The following FBXL17 variants were observed in gnomAD, a reference collection of about 807,000 sequenced individuals.
FBXL17 encodes the protein F-box and leucine rich repeat protein 17, also known as F-box/LRR-repeat protein 17.
A neutral mutation model predicts 66.2 loss-of-function variants in FBXL17; 22 were observed. The observed-to-expected ratio is 0.33, with a 90% confidence interval of 0.24 to 0.47. FBXL17 has a LOEUF of 0.47. Ranked by LOEUF, FBXL17 falls within the 20% of genes least tolerant of loss-of-function variation. FBXL17 has a pLI of 1.00. For synonymous variants in FBXL17, 474 were observed against 400.5 expected, an observed-to-expected ratio of 1.18 and a Z score of -2.19; for missense variants, 878 against 948.2, an observed-to-expected ratio of 0.93 and a Z score of 0.97.
chr5:108,121,731 G>A (rs1484420317), intron 6 of FBXL17, among the ~76,000 whole-genome samples: 1 of 151,944 alleles, frequency 6.6e-6, no homozygotes, highest in Non-Finnish European at 1.5e-5. Context: ...TAATTTTTTT[G>A]TATTTTTAGT....
chr5:108,248,151 T>C (rs1003925465), intron 4 of FBXL17, among the ~76,000 whole-genome samples: 2 of 152,196 alleles, frequency 1.3e-5, no homozygotes, highest in Non-Finnish European at 2.9e-5. Flanking sequence ...ACACAGATTT[T>C]AGAATTATTT....
chr5:108,021,460 C>T (rs1754599649), intron 6 of FBXL17, among the ~76,000 whole-genome samples: 1 of 150,894 alleles, frequency 6.6e-6, no homozygotes, highest in South Asian at 2.1e-4. Flanking sequence ...AACATAATAT[C>T]AAATATATTC....
At chr5:107,899,954 A>T (rs1211654911) in intron 7 of FBXL17, among the ~76,000 whole-genome samples, 1 of 152,188 alleles carries the variant, frequency 6.6e-6, no homozygotes, top group Admixed American at 6.5e-5. Context: ...TATTAAAAAA[A>T]GTAAATTTTG....
At chr5:108,210,842 C>G (rs1754338263) in intron 5 of FBXL17, among the ~76,000 whole-genome samples, 1 of 151,928 alleles carries the variant, frequency 6.6e-6, no homozygotes, top group South Asian at 2.1e-4. Context: ...TGGTCCAGAG[C>G]TGAGTTCAAG....
At chr5:107,950,009 T>G (rs1389807150) in intron 7 of FBXL17, among the ~76,000 whole-genome samples, 1 of 152,214 alleles carries the variant, frequency 6.6e-6, no homozygotes, top group Non-Finnish European at 1.5e-5. Flanking sequence ...CTTTGTTGAC[T>G]GCTGTCCCAT....
At chr5:108,332,221 G>A (rs913114154) in intron 4 of FBXL17, among the ~76,000 whole-genome samples, 4 of 152,064 alleles carry the variant, frequency 2.6e-5, no homozygotes, top group Admixed American at 1.3e-4. Context: ...TGGATGGAGC[G>A]TTCCTGAGTA....
intron 7 of FBXL17, among the ~76,000 whole-genome samples, chr5:107,919,992 T>A (rs1446315132): frequency 6.6e-6 from 1 of 152,208 alleles, no homozygotes; most frequent in East Asian, 1.9e-4. Context: ...GACTATATAG[T>A]GCAACCAAGC....
At chr5:108,355,757 C>T (rs1747947222) in intron 3 of FBXL17, among the ~76,000 whole-genome samples, 1 of 151,976 alleles carries the variant, frequency 6.6e-6, no homozygotes, top group African/African-American at 2.4e-5. Context: ...AGAGAGAAAA[C>T]TGAATCATTA....
intron 6 of FBXL17, among the ~76,000 whole-genome samples, chr5:108,141,977 C>A (rs1370548806): frequency 6.6e-6 from 1 of 152,210 alleles, no homozygotes; most frequent in African/African-American, 2.4e-5. Flanking sequence ...GACTCACTCT[C>A]TGTGTTTTAA....
intron 7 of FBXL17, among the ~76,000 whole-genome samples, chr5:108,009,138 C>T (rs1283070644): frequency 7.2e-6 from 1 of 139,432 alleles, no homozygotes; most frequent in Admixed American, 7.3e-5. Flanking sequence ...CATATGAAAG[C>T]ATTTTGGCAG....
At chr5:107,920,748 C>T (rs1750287886) in intron 7 of FBXL17, among the ~76,000 whole-genome samples, 1 of 152,088 alleles carries the variant, frequency 6.6e-6, no homozygotes, top group Admixed American at 6.6e-5. Context: ...CAGAGTGAAT[C>T]CTTCTCCAGG....
intron 2 of FBXL17, among the ~76,000 whole-genome samples, chr5:108,367,426 G>A (rs940870992): frequency 1.3e-5 from 2 of 151,926 alleles, no homozygotes; most frequent in African/African-American, 4.8e-5. Context: ...CAGAGTTGTT[G>A]GGTGGATCAA....
At chr5:108,187,884 C>T (rs1450566221) in intron 5 of FBXL17, among the ~76,000 whole-genome samples, 1 of 152,132 alleles carries the variant, frequency 6.6e-6, no homozygotes, top group Non-Finnish European at 1.5e-5. Context: ...TAAGTCAGTT[C>T]AGCTTAAACT....
intron 7 of FBXL17, among the ~76,000 whole-genome samples, chr5:108,016,665 A>G (rs546382483): frequency 1.3e-5 from 2 of 152,278 alleles, no homozygotes; most frequent in South Asian, 2.1e-4. Flanking sequence ...CAAGAGAAAT[A>G]CCACTTCCTC....
intron 6 of FBXL17, among the ~76,000 whole-genome samples, chr5:108,150,435 C>G (rs1348363373): frequency 3.9e-5 from 6 of 152,134 alleles, no homozygotes; most frequent in Non-Finnish European, 5.9e-5. Flanking sequence ...AACTCCTGAG[C>G]TCAAGTAATC....
At chr5:108,358,130 AAT>A (rs1220107658) in intron 3 of FBXL17, among the ~76,000 whole-genome samples, 1 of 152,138 alleles carries the variant, frequency 6.6e-6, no homozygotes, top group African/African-American at 2.4e-5. Flanking sequence ...TTCGAATACA[AAT>A]AGTTTTACTT....
At chr5:107,920,774 C>T (rs762301868) in intron 7 of FBXL17, among the ~76,000 whole-genome samples, 1 of 152,090 alleles carries the variant, frequency 6.6e-6, no homozygotes, top group Non-Finnish European at 1.5e-5. Context: ...CCTAATCCTG[C>T]AATAAACCTG....
At chr5:107,977,403 A>G (rs888965167) in intron 7 of FBXL17, among the ~76,000 whole-genome samples, 2 of 152,232 alleles carry the variant, frequency 1.3e-5, no homozygotes, top group Admixed American at 6.5e-5. Flanking sequence ...ACTTTCAACA[A>G]TCTTGCAAGG....
At chr5:107,988,043 T>C (rs1347226331) in intron 7 of FBXL17, among the ~76,000 whole-genome samples, 1 of 152,004 alleles carries the variant, frequency 6.6e-6, no homozygotes, top group Non-Finnish European at 1.5e-5. Context: ...AATCTACCAA[T>C]GATAATTTTA....
Sources: allele counts gnomAD v4.1 joint callset (sites outside exome capture counted in the v4.1 genomes callset), GRCh38; gene constraint gnomAD v4.1.1; transcripts MANE v1.5; gene names NCBI Gene and HGNC (gene_info 2026-07-23, HGNC 2026-07-21).